The following KRT75 variants were observed in gnomAD, a reference collection of about 807,000 sequenced individuals.
The protein encoded by KRT75 is keratin 75.
Under a neutral mutation model 48.8 loss-of-function variants are expected in KRT75, and 35 were observed. The ratio of observed to expected loss-of-function variants is 0.72; its 90% CI spans 0.55 to 0.95. The LOEUF (loss-of-function observed/expected upper bound fraction) is 0.95, where lower values mean the gene tolerates loss of function less well. KRT75 is among the 40% of genes least tolerant of loss of function. The pLI, the probability that KRT75 is intolerant of heterozygous loss-of-function variation, is 0.00. For synonymous variants in KRT75, 301 were observed against 282.3 expected (o/e 1.07, Z -0.66); for missense variants, 776 against 709.9 (o/e 1.09, Z -1.06).
intron 1 of KRT75, 110 bp downstream of exon 1, chr12:52,433,697 G>T: frequency 6.5e-7 from 1 of 1,538,612 alleles, no homozygotes; most frequent in Non-Finnish European, 8.9e-7. Flanking sequence ...GCTGAACAGT[G>T]CTCATTCCCA....
chr12:52,432,614 CCCA>C (rs1940159322), intron 2 of KRT75, among the ~76,000 whole-genome samples: 1 of 152,178 alleles, frequency 6.6e-6, no homozygotes, highest in South Asian at 2.1e-4. Context: ...AAAGTTTCCC[CCCA>C]CAAGAAAAGT....
In KRT75 at chr12:52,424,882, C is replaced by T. The variant is rs1247684974; in HGVS notation, c.1418-127G>A. 6.5e-6 allele frequency: 5 copies of T among 768,476 alleles called. No individual in the cohort carries two copies. The East Asian group carries it at 1.2e-4, about 19-fold the overall frequency. The allele number at this position is 768,476 out of a possible 1,614,324, so 47.6% of individuals were successfully genotyped here. A position where few individuals can be genotyped will look rare whatever the true frequency, so the allele number is the denominator to read the frequency against. On this transcript the variant is annotated intron_variant, in intron 8 of 8. Coordinates refer to ENST00000252245, the MANE Select transcript of KRT75 (RefSeq NM_004693.3). ...GTCTCGTCAGCCAGCAGTTTGCCTC[C>T]TTCCAATGTCCCCTGCTTAGTGAGA...
intron 8 of KRT75, among the ~76,000 whole-genome samples, chr12:52,426,192 T>G (rs904619512): frequency 6.6e-6 from 1 of 152,210 alleles, no homozygotes; most frequent in African/African-American, 2.4e-5. Context: ...TGACCACTTC[T>G]TCTCTCACCA....
Position 52,431,992 on chromosome 12 carries a change from A to G in KRT75, c.774+14T>C, listed in dbSNP as rs748848995. The stretch of plus-strand genomic sequence containing the variant: ...TTTTAAACCTTCTCCTTTGAGAGAA[A>G]CATCCCCACTCACCTTTTTCAGGGC... On this transcript the variant is annotated intron_variant, in intron 3 of 8. Transcript: ENST00000252245. 3.0e-5 allele frequency: 49 copies of G among 1,613,654 alleles called. No individual in the cohort carries two copies. The Admixed American group carries it at 8.2e-4, about 27-fold the overall frequency.
Position 52,430,655 on chromosome 12 carries a change from G to A in KRT75, c.921C>T (p.Ser307=). The A allele has an allele frequency of 6.2e-7, 1 of 1,614,180 alleles. No individual in the cohort carries two copies. Among genetic ancestry groups the A allele is most frequent in the Non-Finnish European group, 8.5e-7 (1 of 1,180,022 alleles). Residue 307 remains serine (S), a synonymous_variant, in exon 5 of 9, where the codon TCC becomes TCT. Transcript: ENST00000252245. The stretch of plus-strand genomic sequence containing the variant: ...GGTCCAGGTTGCGGTTGTTGTCCAT[G>A]GACAGCACCACGGATGTGTCACCGA... ...TQVGDTSVVL[S]MDNNRNLDLD...
rs757550274 is a variant in KRT75, at chr12:52,434,105, C to A, written c.200G>T (p.Gly67Val). 6.2e-7 allele frequency: 1 copy of A among 1,614,126 alleles called. No individual in the cohort carries two copies. The change falls in exon 1 of 9, where the codon GGT (glycine) becomes GTT (valine). Residue 67 changes from glycine to valine, a missense_variant. Physicochemically the swap from Gly to Val is moderately radical, Grantham distance 109. Coordinates refer to ENST00000252245, the MANE Select transcript of KRT75 (RefSeq NM_004693.3). Reference protein sequence around the residue: ...FGSRSLYNLGGAKRVSINGCG... With the variant: ...FGSRSLYNLGVAKRVSINGCG... ...CCCATTGATGGAGACCCGCTTGGCA[C>A]CCCCCAGGTTGTAGAGGCTGCGGCT...
rs1565794213 is a variant in KRT75 at position 52,434,055 on chromosome 12, A to C, written c.250T>G (p.Phe84Val). ...AACCTGTTGCTGGCCCTGCCACCAA[A>C]GCCACTTCGGCAGCTGCTGCCACAC... is the stretch of plus-strand genomic sequence containing the variant. ...NGCGSSCRSG[F>V]GGRASNRFGV... The change falls in exon 1 of 9, where the codon TTT becomes GTT. Residue 84 changes from phenylalanine (F) to valine (V), a missense_variant. Physicochemically the swap from Phe to Val is conservative, Grantham distance 50. Coordinates refer to ENST00000252245, the MANE Select transcript of KRT75 (RefSeq NM_004693.3). 6.2e-7 allele frequency: 1 copy of C among 1,614,106 alleles called. No individual in the cohort carries two copies. Among genetic ancestry groups the C allele is most frequent in the Admixed American group, 1.7e-5 (1 of 60,028 alleles).
In KRT75 at chr12:52,433,218, T is replaced by C; in HGVS notation, c.533A>G (p.Glu178Gly). 6.2e-7 allele frequency: 1 copy of C among 1,614,066 alleles called. No homozygotes were observed. ...CTCCTGCAGGAGGGCCCACTTGGTC[T>C]CCAGGACCTTGTTCTGCTGCTCCAA... ...RFLEQQNKVLETKWALLQEQG... is the reference protein window; with the variant it reads ...RFLEQQNKVLGTKWALLQEQG... The change falls in exon 2 of 9, where the codon GAG (glutamate) becomes GGG (glycine). Residue 178 changes from glutamate (E) to glycine (G), a missense_variant. By Grantham distance (98) the Glu-to-Gly change is moderately conservative (BLOSUM62 -2). Coordinates refer to ENST00000252245, the MANE Select transcript of KRT75 (RefSeq NM_004693.3).
At position 52,424,384 on chromosome 12, in the gene KRT75, G is replaced by T. The variant is rs967243776; in HGVS notation, c.*133C>A. On this transcript the variant is annotated 3_prime_UTR_variant, in exon 9 of 9. Coordinates refer to ENST00000252245, the MANE Select transcript of KRT75 (RefSeq NM_004693.3). ...AGAGGCTGGCTTAGGCCTGGGAATG[G>T]GTATAGCCAGTACTCCAGGCTCCCA... 1.1e-6 allele frequency: 1 copy of T among 873,190 alleles called. No individual in the cohort carries two copies. The highest frequency in any genetic ancestry group is 2.0e-6 in the Non-Finnish European group (1 of 511,142). 54.1% of individuals were successfully genotyped at this position (873,190 alleles called of 1,614,324 possible).
intron 5 of KRT75, among the ~76,000 whole-genome samples, chr12:52,429,236 C>T (rs1477778358): frequency 4.6e-5 from 7 of 152,116 alleles, no homozygotes; most frequent in African/African-American, 9.7e-5. Context: ...GGTCACAGAG[C>T]GTGCATCCAG....
chr12:52,425,829 A>T (rs908022391), intron 8 of KRT75, among the ~76,000 whole-genome samples: 1 of 152,226 alleles, frequency 6.6e-6, no homozygotes, highest in Non-Finnish European at 1.5e-5. Flanking sequence ...GAACTGTGAG[A>T]CAAGACATTT....
At position 52,430,707 on chromosome 12, in the gene KRT75, T is replaced by G. The variant is rs1004012486; in HGVS notation, c.871-2A>C. 1.9e-6 allele frequency: 3 copies of G among 1,614,076 alleles called. No individual in the cohort carries two copies. The highest frequency in any genetic ancestry group is 1.6e-4 in the Middle Eastern group (1 of 6,084). On this transcript the variant is annotated splice_acceptor_variant, in intron 4 of 8. Coordinates refer to ENST00000252245, the MANE Select transcript of KRT75 (RefSeq NM_004693.3). LOFTEE classifies it high-confidence loss of function. ...CTGGGTCTGCAACTGGGACAGCTCC[T>G]GCAGGGCAGTAAACTCAGCATCACC...
At chr12:52,429,507 A>C (rs748727691) in intron 5 of KRT75, among the ~76,000 whole-genome samples, 1 of 152,136 alleles carries the variant, frequency 6.6e-6, no homozygotes, top group Admixed American at 6.5e-5. Context: ...ACAAAAGGAG[A>C]TCCCCTGCCA....
chr12:52,428,801 T>G (rs577983338), intron 5 of KRT75, 58 bp from the exon 6 acceptor site: 3 of 1,611,666 alleles, frequency 1.9e-6, no homozygotes, highest in African/African-American at 2.7e-5. Flanking sequence ...AGGCACTCGC[T>G]GTGCACACAG....
chr12:52,433,111 T>C lies in KRT75; in HGVS notation c.640A>G (p.Ile214Val), dbSNP rs760712794. 1.1e-5 allele frequency: 18 copies of C among 1,608,042 alleles called. No individual in the cohort carries two copies. Among genetic ancestry groups the C allele is most frequent in the Non-Finnish European group, 1.4e-5 (17 of 1,177,718 alleles). The part of the protein sequence containing the change: ...TSELRRQLES[I>V]TTERGRLEAE... ...TCAAGCCTGCCCCTCTCGGTGGTGATGCTTTCCAGCTGCCGTCGGAGCTCA... is the reference window on the plus strand; with the variant it reads ...TCAAGCCTGCCCCTCTCGGTGGTGACGCTTTCCAGCTGCCGTCGGAGCTCA... Residue 214 changes from isoleucine (I) to valine (V), a missense_variant, in exon 2 of 9, where the codon ATC (isoleucine) becomes GTC (valine). Coordinates refer to ENST00000252245, the MANE Select transcript of KRT75 (RefSeq NM_004693.3).
In KRT75 at chr12:52,434,263, G is replaced by A. The variant is rs1359878180; in HGVS notation, c.42C>T (p.Arg14=). 10 of 1,587,294 alleles carry A rather than the reference G, an allele frequency of 6.3e-6. No homozygotes were observed. The highest frequency in any genetic ancestry group is 8.5e-6 in the Non-Finnish European group (10 of 1,170,848). The change falls in exon 1 of 9, where the codon CGC becomes CGT. Residue 14 remains arginine (R), a synonymous_variant. Transcript: ENST00000252245. The part of the protein sequence containing the change: ...QSSITFQSGS[R]RGFSTTSAIT... The stretch of plus-strand genomic sequence containing the variant: ...TGGCCGAGGTGGTGCTGAAGCCCCT[G>A]CGGCTGCCAGACTGGAAGGTGATGG...
intron 2 of KRT75, 73 bp from the exon 3 acceptor site, chr12:52,432,139 A>C (rs1940153909): frequency 6.8e-7 from 1 of 1,462,210 alleles, no homozygotes; most frequent in African/African-American, 1.4e-5. Context: ...GTGTAGCAAG[A>C]GTTAAGAGCC....
intron 2 of KRT75, among the ~76,000 whole-genome samples, 193 bp from the exon 3 acceptor site, chr12:52,432,259 A>G (rs535456178): frequency 1.3e-5 from 2 of 152,314 alleles, no homozygotes; most frequent in African/African-American, 4.8e-5. Flanking sequence ...CTAGTTTTTA[A>G]TAAACTTTTC....
rs771474485 is a variant in KRT75 at position 52,431,626 on chromosome 12, C to A, written c.787G>T (p.Ala263Ser). The change falls in exon 4 of 9, where the codon GCC (alanine) becomes TCC (serine). Residue 263 changes from alanine to serine, a missense_variant. Transcript: ENST00000252245. The stretch of plus-strand genomic sequence containing the variant: ...TCCAGCTCCACCTTGTTCATATAGG[C>A]AGCATCTACGTCCTGGAATGACAGC... The part of the protein sequence containing the change: ...FVALKKDVDA[A>S]YMNKVELEAK... The A allele has an allele frequency of 5.8e-5, 94 of 1,613,428 alleles. No homozygotes were observed. The highest frequency in any genetic ancestry group is 7.6e-5 in the Non-Finnish European group (90 of 1,179,416).
Sources: gnomAD v4.1 joint callset for allele counts (sites outside exome capture counted in the v4.1 genomes callset) on GRCh38, gnomAD v4.1.1 for gene constraint, MANE v1.5 for transcripts, NCBI Gene and HGNC (gene_info 2026-07-23, HGNC 2026-07-21) for gene names.